The following GTF2IRD1 variants were observed in gnomAD, a reference collection of about 807,000 sequenced individuals.
The protein encoded by GTF2IRD1 is GTF2I repeat domain containing 1, also known as general transcription factor II-I repeat domain-containing protein 1.
In GTF2IRD1, 26 loss-of-function variants were observed where a neutral mutation model predicts 113.2. The ratio of observed to expected loss-of-function variants is 0.23; its 90% CI spans 0.17 to 0.32. GTF2IRD1 has a LOEUF of 0.32. Among genes scored for constraint, GTF2IRD1 ranks in the 10% least tolerant of loss-of-function variants. The pLI is 1.00. For synonymous variants in GTF2IRD1, 484 were observed against 529.1 expected (o/e 0.91, Z 1.17); for missense variants, 864 against 1,280.8 (o/e 0.67, Z 4.97).
intron 1 of GTF2IRD1, among the ~76,000 whole-genome samples, chr7:74,466,613 C>T (rs37630): frequency 0.26 from 40,173 of 152,092 alleles, 6,242 homozygotes; most frequent in Middle Eastern, 0.42. Context: ...GCTGATTTCT[C>T]GTTGCAGGTC....
At chr7:74,454,301 A>C (rs1367824019) in intron 1 of GTF2IRD1, 125 bp downstream of exon 1, 1 of 143,904 alleles carries the variant, frequency 6.9e-6, no homozygotes, top group Non-Finnish European at 1.5e-5. Flanking sequence ...AAGGTGTTAC[A>C]GGAGCTGGGG....
At chr7:74,468,822 C>G (rs1382799885) in intron 1 of GTF2IRD1, among the ~76,000 whole-genome samples, 1 of 151,718 alleles carries the variant, frequency 6.6e-6, no homozygotes, top group African/African-American at 2.4e-5. Context: ...CGGTGGCTCA[C>G]GCCTGTAATC....
In GTF2IRD1 at chr7:74,538,738, C is replaced by A; in HGVS notation, c.1506C>A (p.Asp502Glu). The A allele has an allele frequency of 6.3e-7, 1 of 1,596,912 alleles. No individual in the cohort carries two copies. Among genetic ancestry groups the A allele is most frequent in the Non-Finnish European group, 8.6e-7 (1 of 1,164,336 alleles). ...RPIKIEPEDL[D>E]IIQVTVPDPS... The stretch of plus-strand genomic sequence containing the variant: ...TCAAAATTGAGCCAGAGGATCTGGA[C>A]ATCATTCAGGTCACCGTCCCAGGTA... Residue 502 changes from aspartate (D) to glutamate (E), a missense_variant, in exon 13 of 27, where the codon GAC (aspartate) becomes GAA (glutamate). Physicochemically the swap from Asp to Glu is conservative, Grantham distance 45. Coordinates refer to ENST00000424337, the MANE Select transcript of GTF2IRD1 (RefSeq NM_005685.4).
intron 15 of GTF2IRD1, 34 bp from the exon 16 acceptor site, chr7:74,545,710 A>C (rs373033407): frequency 1.0e-5 from 16 of 1,576,432 alleles, no homozygotes; most frequent in Non-Finnish European, 1.3e-5. Flanking sequence ...AGCTGCCACC[A>C]ACCAGCCTCA....
intron 1 of GTF2IRD1, among the ~76,000 whole-genome samples, chr7:74,464,001 G>A (rs1793556500): frequency 6.6e-6 from 1 of 152,238 alleles, no homozygotes; most frequent in African/African-American, 2.4e-5. Flanking sequence ...TGGAATTACA[G>A]GTGTGAGCCA....
chr7:74,517,929 C>T (rs1797045728), intron 4 of GTF2IRD1, among the ~76,000 whole-genome samples: 1 of 152,186 alleles, frequency 6.6e-6, no homozygotes, highest in African/African-American at 2.4e-5. Flanking sequence ...CCCCAGCCCC[C>T]CAGATGCAGA....
chr7:74,496,480 C>CGTGGGTGTGA (rs60895191), intron 1 of GTF2IRD1, among the ~76,000 whole-genome samples: 1 of 112,370 alleles, frequency 8.9e-6, no homozygotes, highest in Admixed American at 9.2e-5. Context: ...TGTGGGTGTG[C>CGTGGGTGTGA]ACGTATGTGT....
At chr7:74,563,011 G>A (rs1800073364) in intron 22 of GTF2IRD1, among the ~76,000 whole-genome samples, 1 of 152,154 alleles carries the variant, frequency 6.6e-6, no homozygotes, top group African/African-American at 2.4e-5. Flanking sequence ...ATGCAGAGTG[G>A]CAGAAACTTT....
At chr7:74,540,036 G>C in intron 14 of GTF2IRD1, 68 bp downstream of exon 14, 1 of 1,134,908 alleles carries the variant, frequency 8.8e-7, no homozygotes, top group Non-Finnish European at 1.3e-6. Flanking sequence ...GAAAGGGGTG[G>C]GCCAGGCCGT....
At position 74,515,614 on chromosome 7, in the gene GTF2IRD1, T is replaced by C; in HGVS notation, c.421+18T>C. On this transcript the variant is annotated intron_variant, in intron 4 of 26. Coordinates refer to ENST00000424337, the MANE Select transcript of GTF2IRD1 (RefSeq NM_005685.4). ...TCTTTATAGTAAGATCCTTCCTCAT[T>C]CCATTTGGGGGCCCCAGGGAGGGTG... 6.3e-7 allele frequency: 1 copy of C among 1,594,904 alleles called. No individual in the cohort carries two copies. Among genetic ancestry groups the C allele is most frequent in the South Asian group, 1.1e-5 (1 of 89,970 alleles).
At chr7:74,536,040 G>T (rs587604415) in intron 10 of GTF2IRD1, 127 bp from the exon 11 acceptor site, 7 of 623,690 alleles carry the variant, frequency 1.1e-5, no homozygotes, top group African/African-American at 3.7e-5. Flanking sequence ...GCGCCCACAA[G>T]GACAGGCAGA....
At chr7:74,601,317 G>T in intron 26 of GTF2IRD1, 137 bp downstream of exon 26, 1 of 1,541,060 alleles carries the variant, frequency 6.5e-7, no homozygotes, top group Non-Finnish European at 8.7e-7. Flanking sequence ...TTCCGGCCTC[G>T]GGGGTTATAG....
chr7:74,537,842 C>T (rs868922618), intron 11 of GTF2IRD1, among the ~76,000 whole-genome samples: 120 of 152,328 alleles, frequency 7.9e-4, no homozygotes, highest in African/African-American at 2.8e-3. Flanking sequence ...CCTAGGATCC[C>T]CAGAGCTCCC....
chr7:74,589,814 G>A (rs1324462973), intron 22 of GTF2IRD1, 37 bp from the exon 23 acceptor site: 13 of 1,351,430 alleles, frequency 9.6e-6, no homozygotes, highest in African/African-American at 8.6e-5. Context: ...GGCTAAGCTG[G>A]TGCCAACTCT....
At chr7:74,548,293 G>A (rs1554353945) in intron 17 of GTF2IRD1, among the ~76,000 whole-genome samples, 1 of 152,158 alleles carries the variant, frequency 6.6e-6, no homozygotes, top group Admixed American at 6.5e-5. Context: ...ATGGTGGTGG[G>A]TGCCTGTAGT....
At chr7:74,514,305 G>GC (rs1308948121) in intron 3 of GTF2IRD1, among the ~76,000 whole-genome samples, 1 of 152,056 alleles carries the variant, frequency 6.6e-6, no homozygotes, top group Non-Finnish European at 1.5e-5. Flanking sequence ...TCCCCAGCCA[G>GC]CCCCCCACCC....
intron 6 of GTF2IRD1, 73 bp downstream of exon 6, chr7:74,519,792 G>A: frequency 1.8e-6 from 2 of 1,126,152 alleles, no homozygotes; most frequent in Admixed American, 2.3e-5. Context: ...CAGCCTCCCA[G>A]GGCAGGTCAG....
At chr7:74,579,244 G>A (rs745568962) in intron 22 of GTF2IRD1, among the ~76,000 whole-genome samples, 3 of 152,120 alleles carry the variant, frequency 2.0e-5, no homozygotes, top group Non-Finnish European at 4.4e-5. Context: ...TGAGGTCAAG[G>A]CTGCAGTGAG....
In GTF2IRD1 at chr7:74,504,988, A is replaced by G. The variant is rs1012023300; in HGVS notation, c.-6-3087A>G. ...CTCTCAAAGCGCTGGGATTACAGAC[A>G]TGAGCCACTGCGCCTGGCCCTGCTA... is the stretch of plus-strand genomic sequence containing the variant. On this transcript the variant is annotated intron_variant, in intron 1 of 26. Transcript: ENST00000424337. Among the ~76,000 whole-genome samples the G allele has an allele frequency of 1.1e-4, 17 of 152,082 alleles. No homozygotes were observed. In the South Asian group the frequency reaches 2.7e-3, roughly 24 times the overall value.
Sources: gnomAD v4.1 joint callset for allele counts (sites outside exome capture counted in the v4.1 genomes callset) on GRCh38, gnomAD v4.1.1 for gene constraint, MANE v1.5 for transcripts, NCBI Gene and HGNC (gene_info 2026-07-23, HGNC 2026-07-21) for gene names.